EXOC6: variants seen among roughly 807,000 people sequenced by gnomAD.
EXOC6 encodes the protein SEC15-like 1.
Under a neutral mutation model 112.5 loss-of-function variants are expected in EXOC6, and 60 were observed. The ratio of observed to expected loss-of-function variants is 0.53; its 90% confidence interval spans 0.43 to 0.66. The LOEUF (loss-of-function observed/expected upper bound fraction) is 0.66, where lower values mean the gene tolerates loss of function less well. EXOC6 is among the 30% of genes least tolerant of loss of function. The probability of loss-of-function intolerance (pLI) is 0.00; values close to 1 mark genes in which losing one functional copy is unlikely to be tolerated. For synonymous variants in EXOC6, 295 were observed against 308.0 expected (o/e 0.96, Z 0.44); for missense variants, 855 against 957.1 (o/e 0.89, Z 1.41).
At chr10:92,929,269 G>A (rs4933245) in intron 9 of EXOC6, among the ~76,000 whole-genome samples, 44,565 of 151,976 alleles carry the variant, frequency 0.29, 7,307 homozygotes, top group East Asian at 0.73. Flanking sequence ...GTGAACGAGA[G>A]AAAAAATCCT....
At chr10:92,869,916 TATTTCTTCATTAGG>T (rs1463502490) in intron 1 of EXOC6, among the ~76,000 whole-genome samples, 2 of 151,502 alleles carry the variant, frequency 1.3e-5, no homozygotes, top group Non-Finnish European at 2.9e-5. Flanking sequence ...AAACCTTTAG[TATTTCTTCATTAGG>T]ATAGCTCTGG....
chr10:92,998,086 T>A (rs1843578107), intron 19 of EXOC6, among the ~76,000 whole-genome samples: 1 of 152,206 alleles, frequency 6.6e-6, no homozygotes, highest in Non-Finnish European at 1.5e-5. Flanking sequence ...GTATTGCCAT[T>A]GTTTTTCACT....
intron 18 of EXOC6, among the ~76,000 whole-genome samples, chr10:92,996,162 A>G (rs770331932): frequency 1.3e-5 from 2 of 152,198 alleles, no homozygotes; most frequent in Non-Finnish European, 2.9e-5. Flanking sequence ...GAGGCAAAAC[A>G]TGGCATGTCT....
intron 6 of EXOC6, among the ~76,000 whole-genome samples, chr10:92,911,674 C>T (rs1365543791): frequency 2.0e-5 from 3 of 152,068 alleles, no homozygotes; most frequent in Non-Finnish European, 4.4e-5. Flanking sequence ...ATCAAGCTCC[C>T]TATCATTGCA....
intron 1 of EXOC6, among the ~76,000 whole-genome samples, chr10:92,842,281 C>T (rs558365924): frequency 6.6e-6 from 1 of 150,578 alleles, no homozygotes; most frequent in South Asian, 2.1e-4. Flanking sequence ...ATTGCTTGAA[C>T]CCGCGAGGTG....
At chr10:93,023,779 T>TA (rs1179814678) in intron 20 of EXOC6, among the ~76,000 whole-genome samples, 26 of 152,322 alleles carry the variant, frequency 1.7e-4, no homozygotes, top group Admixed American at 1.4e-3. Context: ...TATGAAAACT[T>TA]AAAAAAATTT....
At chr10:92,991,450 A>C (rs571716885) in intron 18 of EXOC6, among the ~76,000 whole-genome samples, 121 of 151,920 alleles carry the variant, frequency 8.0e-4, no homozygotes, top group African/African-American at 2.8e-3. Flanking sequence ...AAAAAAAAAA[A>C]AAACAAAAGT....
At chr10:93,057,276 T>G (rs889546145) in intron 21 of EXOC6, among the ~76,000 whole-genome samples, 6 of 152,120 alleles carry the variant, frequency 3.9e-5, no homozygotes, top group Non-Finnish European at 8.8e-5. Context: ...TATCCTGAAT[T>G]GCAAGCTTAA....
intron 1 of EXOC6, among the ~76,000 whole-genome samples, chr10:92,881,781 G>C (rs560633379): frequency 0.022 from 3,315 of 152,122 alleles, 54 homozygotes; most frequent in African/African-American, 0.041. Context: ...GAATCATGGG[G>C]GTGGTTTCTC....
At chr10:92,942,723 C>T (rs1852736220) in intron 13 of EXOC6, among the ~76,000 whole-genome samples, 1 of 151,916 alleles carries the variant, frequency 6.6e-6, no homozygotes, top group South Asian at 2.1e-4. Context: ...ATTTAACTGG[C>T]CTCTTCAGAA....
At chr10:92,975,797 G>A (rs1168030279) in intron 18 of EXOC6, among the ~76,000 whole-genome samples, 160 of 67,636 alleles carry the variant, frequency 2.4e-3, no homozygotes, top group East Asian at 4.0e-3. Context: ...AGGTGGGGGG[G>A]TCAGCCCCCG....
intron 1 of EXOC6, among the ~76,000 whole-genome samples, chr10:92,839,514 A>C (rs1846769618): frequency 6.6e-6 from 1 of 152,212 alleles, no homozygotes; most frequent in African/African-American, 2.4e-5. Flanking sequence ...TAGTGACGGT[A>C]GTATGGTCCT....
At chr10:92,858,032 CGCCG>C (rs1847709112) in intron 1 of EXOC6, among the ~76,000 whole-genome samples, 2 of 142,936 alleles carry the variant, frequency 1.4e-5, no homozygotes, top group South Asian at 2.4e-4. Context: ...TCCCCCCCTC[CGCCG>C]GCCAGCAGTT....
chr10:92,934,114 T>C, intron 9 of EXOC6, 30 bp from the exon 10 acceptor site: 1 of 1,347,926 alleles, frequency 7.4e-7, no homozygotes, highest in Non-Finnish European at 1.0e-6. Flanking sequence ...TATTTATTGG[T>C]TTAAATTGAT....
chr10:93,027,287 A>G (rs530095217), intron 20 of EXOC6, among the ~76,000 whole-genome samples: 34 of 152,250 alleles, frequency 2.2e-4, no homozygotes, highest in Non-Finnish European at 4.0e-4. Context: ...GTTTAAGGAA[A>G]GAAGCCATCT....
chr10:93,011,055 A>T (rs887980679), intron 19 of EXOC6, among the ~76,000 whole-genome samples: 2 of 152,112 alleles, frequency 1.3e-5, no homozygotes, highest in Non-Finnish European at 2.9e-5. Context: ...TATATGTCTA[A>T]TTGAAATTGA....
At chr10:92,884,288 C>G (rs1255785868) in intron 1 of EXOC6, among the ~76,000 whole-genome samples, 1 of 152,182 alleles carries the variant, frequency 6.6e-6, no homozygotes, top group African/African-American at 2.4e-5. Context: ...CCAGGGATTC[C>G]TGAACAATAT....
At chr10:93,035,741 A>T (rs1477107123) in intron 20 of EXOC6, among the ~76,000 whole-genome samples, 1 of 152,040 alleles carries the variant, frequency 6.6e-6, no homozygotes, top group East Asian at 1.9e-4. Flanking sequence ...TGTAATCCCC[A>T]CTAGTTGGGA....
At chr10:93,007,187 C>G (rs538225425) in intron 19 of EXOC6, among the ~76,000 whole-genome samples, 1 of 152,220 alleles carries the variant, frequency 6.6e-6, no homozygotes, top group African/African-American at 2.4e-5. Flanking sequence ...AAGATAAATA[C>G]TTATGGCCTG....
Sources: gnomAD v4.1 joint callset for allele counts (sites outside exome capture counted in the v4.1 genomes callset) on GRCh38, gnomAD v4.1.1 for gene constraint, MANE v1.5 for transcripts, NCBI Gene and HGNC (gene_info 2026-07-23, HGNC 2026-07-21) for gene names.